The following CIMAP3 variants were observed in gnomAD, a reference collection of about 807,000 sequenced individuals.
CIMAP3 encodes the protein ciliary microtubule-associated protein 3.
chr1:111,336,075 A>G, the CIMAP3 span, among the ~76,000 whole-genome samples: 1 of 152,248 alleles, frequency 6.6e-6, no homozygotes, highest in Non-Finnish European at 1.5e-5. Context: ...ACCACTGCTG[A>G]TACCTAGGCA....
chr1:111,325,122 C>T, the CIMAP3 span, among the ~76,000 whole-genome samples: 1,204 of 152,264 alleles, frequency 7.9e-3, 15 homozygotes, highest in African/African-American at 0.027. Flanking sequence ...CCATTGGAGC[C>T]AGCTGCAGCC....
the CIMAP3 span, among the ~76,000 whole-genome samples, chr1:111,334,264 A>C: frequency 0.48 from 73,626 of 151,968 alleles, 18,109 homozygotes; most frequent in South Asian, 0.54. Flanking sequence ...AAAGAACATG[A>C]AAAGCCAAAA....
At chr1:111,351,171 T>TTTTC in the CIMAP3 span, 1 of 506,480 alleles carries the variant, frequency 2.0e-6, no homozygotes, top group Non-Finnish European at 2.9e-6. Flanking sequence ...GTACAGTTTT[T>TTTTC]TTTTTTTTTT....
the CIMAP3 span, among the ~76,000 whole-genome samples, chr1:111,333,580 C>T: frequency 1.3e-5 from 2 of 152,088 alleles, no homozygotes; most frequent in Non-Finnish European, 2.9e-5. Flanking sequence ...TTTGTGGTGA[C>T]TGGTGGGAAT....
At chr1:111,345,396 T>G in the CIMAP3 span, among the ~76,000 whole-genome samples, 1 of 152,202 alleles carries the variant, frequency 6.6e-6, no homozygotes, top group Non-Finnish European at 1.5e-5. Flanking sequence ...TACTACTAAT[T>G]ATTTTTGTAG....
the CIMAP3 span, among the ~76,000 whole-genome samples, chr1:111,336,466 T>C: frequency 6.6e-6 from 1 of 152,120 alleles, no homozygotes; most frequent in Non-Finnish European, 1.5e-5. Flanking sequence ...TTTAGAAGAA[T>C]GTATAACTAG....
the CIMAP3 span, among the ~76,000 whole-genome samples, chr1:111,345,039 G>T: frequency 2.0e-5 from 3 of 152,278 alleles, no homozygotes; most frequent in Admixed American, 6.5e-5. Flanking sequence ...TGTAGCCTAG[G>T]AGTAAGAGGC....
chr1:111,347,556 G>T, the CIMAP3 span: 1 of 643,254 alleles, frequency 1.6e-6, no homozygotes, highest in Non-Finnish European at 2.7e-6. Flanking sequence ...GTTCAGATGG[G>T]AACACACTAA....
the CIMAP3 span, chr1:111,347,622 C>G: frequency 1.2e-6 from 1 of 809,736 alleles, no homozygotes; most frequent in Non-Finnish European, 1.9e-6. Context: ...TTTTTTCTTT[C>G]TTTTTTTTTT....
chr1:111,347,283 C>T, the CIMAP3 span, among the ~76,000 whole-genome samples: 1 of 152,208 alleles, frequency 6.6e-6, no homozygotes, highest in Non-Finnish European at 1.5e-5. Flanking sequence ...TTCATAAAAT[C>T]CCTACTCCTT....
the CIMAP3 span, chr1:111,324,939 G>A: frequency 1.1e-6 from 1 of 903,902 alleles, no homozygotes; most frequent in Non-Finnish European, 1.3e-6. Flanking sequence ...CATCCTTTTA[G>A]CATTGGAGTC....
the CIMAP3 span, among the ~76,000 whole-genome samples, chr1:111,342,939 T>C: frequency 6.6e-6 from 1 of 152,152 alleles, no homozygotes; most frequent in Non-Finnish European, 1.5e-5. Flanking sequence ...TTCTGGGATA[T>C]TGTTGGTGAT....
At chr1:111,337,909 C>T in the CIMAP3 span, among the ~76,000 whole-genome samples, 1 of 150,888 alleles carries the variant, frequency 6.6e-6, no homozygotes, top group Admixed American at 6.6e-5. Flanking sequence ...TTCAGCACCA[C>T]ACCACACCTA....
the CIMAP3 span, chr1:111,348,345 C>G: frequency 1.7e-6 from 1 of 594,800 alleles, no homozygotes; most frequent in South Asian, 2.7e-5. Flanking sequence ...GAACCACACC[C>G]GTATCTCGGT....
the CIMAP3 span, among the ~76,000 whole-genome samples, chr1:111,344,386 G>A: frequency 2.0e-5 from 3 of 151,958 alleles, no homozygotes; most frequent in Non-Finnish European, 2.9e-5. Context: ...TCTTGTTTCC[G>A]AGTTCTCAGA....
chr1:111,335,093 A>C, the CIMAP3 span, among the ~76,000 whole-genome samples: 39,863 of 133,988 alleles, frequency 0.3, 6,666 homozygotes, highest in South Asian at 0.43. Context: ...GGGTCATTGC[A>C]CTCCAGCCTG....
the CIMAP3 span, chr1:111,347,022 C>T: frequency 6.3e-5 from 101 of 1,613,670 alleles, 1 homozygote; most frequent in South Asian, 1.1e-3. Context: ...GATCACCCCA[C>T]AGAGGGCCTG....
the CIMAP3 span, among the ~76,000 whole-genome samples, chr1:111,339,154 AC>A: frequency 2.0e-4 from 30 of 151,370 alleles, no homozygotes; most frequent in African/African-American, 6.9e-4. Context: ...AAATTCAAAA[AC>A]CCTTCATGCT....
At chr1:111,346,716 G>A in the CIMAP3 span, 1 of 1,593,842 alleles carries the variant, frequency 6.3e-7, no homozygotes, top group African/African-American at 1.3e-5. Context: ...GCAGGTAGGG[G>A]GAAGGGTGGG....
Sources: allele counts gnomAD v4.1 joint callset (sites outside exome capture counted in the v4.1 genomes callset), GRCh38; gene constraint gnomAD v4.1.1; transcripts MANE v1.5; gene names NCBI Gene and HGNC (gene_info 2026-07-23, HGNC 2026-07-21).